ZDHHC14: variants seen among roughly 807,000 people sequenced by gnomAD.
ZDHHC14 encodes palmitoyltransferase ZDHHC14.
In ZDHHC14, 16 loss-of-function variants were observed where a neutral mutation model predicts 47.7. The observed-to-expected ratio is 0.34, with a 90% CI of 0.23 to 0.51. The LOEUF (loss-of-function observed/expected upper bound fraction) is 0.51. ZDHHC14 is among the 20% of genes least tolerant of loss of function. ZDHHC14 has a pLI of 0.97. For synonymous variants in ZDHHC14, 293 were observed against 278.9 expected (o/e 1.05, Z -0.50); for missense variants, 515 against 662.5 (o/e 0.78, Z 2.44).
chr6:157,467,695 G>A (rs564256710), intron 1 of ZDHHC14, among the ~76,000 whole-genome samples: 17 of 152,066 alleles, frequency 1.1e-4, no homozygotes, highest in South Asian at 2.1e-4. Flanking sequence ...AATTACAGGC[G>A]CCTGCCAACA....
intron 1 of ZDHHC14, among the ~76,000 whole-genome samples, chr6:157,481,965 G>A (rs191851766): frequency 1.4e-4 from 22 of 152,334 alleles, no homozygotes; most frequent in African/African-American, 4.8e-4. Context: ...TTCAGAGGGT[G>A]GGGCAGAGAA....
At chr6:157,459,304 T>C (rs1194932398) in intron 1 of ZDHHC14, among the ~76,000 whole-genome samples, 5 of 152,128 alleles carry the variant, frequency 3.3e-5, no homozygotes, top group African/African-American at 7.2e-5. Context: ...AAGTGACCAT[T>C]TGATGATGGC....
intron 2 of ZDHHC14, among the ~76,000 whole-genome samples, chr6:157,565,645 C>T (rs1465634690): frequency 6.6e-6 from 1 of 152,030 alleles, no homozygotes; most frequent in South Asian, 2.1e-4. Flanking sequence ...ATGGAGAAAC[C>T]GTGTCTTTAC....
chr6:157,603,872 C>A (rs1784430606), intron 3 of ZDHHC14, among the ~76,000 whole-genome samples: 1 of 152,148 alleles, frequency 6.6e-6, no homozygotes, highest in Non-Finnish European at 1.5e-5. Context: ...ACTCCATTGT[C>A]CAAGGAAGGC....
At chr6:157,466,667 G>A (rs751986385) in intron 1 of ZDHHC14, among the ~76,000 whole-genome samples, 10 of 151,904 alleles carry the variant, frequency 6.6e-5, no homozygotes, top group Admixed American at 5.9e-4. Context: ...GTGAAACGCC[G>A]TCTCTACTAA....
intron 3 of ZDHHC14, among the ~76,000 whole-genome samples, chr6:157,608,911 T>C (rs890789205): frequency 6.6e-6 from 1 of 152,140 alleles, no homozygotes; most frequent in African/African-American, 2.4e-5. Flanking sequence ...CAGAAAGATG[T>C]GGATGATTCC....
intron 8 of ZDHHC14, among the ~76,000 whole-genome samples, chr6:157,657,710 A>G (rs1562533674): frequency 6.6e-6 from 1 of 152,218 alleles, no homozygotes; most frequent in Admixed American, 6.5e-5. Flanking sequence ...GGATTTGGTA[A>G]TAGCACAGAA....
At chr6:157,509,665 T>C (rs1409965830) in intron 1 of ZDHHC14, among the ~76,000 whole-genome samples, 1 of 152,164 alleles carries the variant, frequency 6.6e-6, no homozygotes, top group Non-Finnish European at 1.5e-5. Flanking sequence ...AATAAAACTG[T>C]GAGAGATAGA....
chr6:157,542,385 G>T (rs1211960007), intron 1 of ZDHHC14, among the ~76,000 whole-genome samples, 200 bp from the exon 2 acceptor site: 2 of 152,114 alleles, frequency 1.3e-5, no homozygotes, highest in African/African-American at 4.8e-5. Context: ...GGGGAGTGGG[G>T]GTTCAATTGT....
intron 1 of ZDHHC14, among the ~76,000 whole-genome samples, chr6:157,443,825 C>A (rs1308866859): frequency 6.6e-6 from 1 of 152,232 alleles, no homozygotes. Context: ...CTTACCTTCT[C>A]TGGAACTCAG....
chr6:157,662,719 G>A (rs1248394500), intron 8 of ZDHHC14, among the ~76,000 whole-genome samples: 1 of 152,228 alleles, frequency 6.6e-6, no homozygotes, highest in Non-Finnish European at 1.5e-5. Context: ...TTATGGCCAT[G>A]GTGGGATGAA....
In ZDHHC14 at chr6:157,647,330, C is replaced by G; in HGVS notation, c.927C>G (p.Thr309=). 1 of 1,614,010 alleles carries G rather than the reference C, an allele frequency of 6.2e-7. No homozygotes were observed. Among genetic ancestry groups the G allele is most frequent in the African/African-American group, 1.3e-5 (1 of 75,012 alleles). ...CCTACAGCTACGGAAATATCTTTACCAACTGCTGTGTTGCCCTGTGTGGGC... is the reference window on the plus strand; with the variant it reads ...CCTACAGCTACGGAAATATCTTTACGAACTGCTGTGTTGCCCTGTGTGGGC... The part of the protein sequence containing the change: ...YNPYSYGNIF[T]NCCVALCGPI... The change falls in exon 7 of 9, where the codon ACC becomes ACG. Residue 309 remains threonine (T), a synonymous_variant. Transcript: ENST00000359775.
At chr6:157,528,333 A>G (rs1465897416) in intron 1 of ZDHHC14, among the ~76,000 whole-genome samples, 1 of 152,220 alleles carries the variant, frequency 6.6e-6, no homozygotes, top group South Asian at 2.1e-4. Context: ...GGCTTAAAAG[A>G]AAAGTAAAGA....
chr6:157,473,721 A>G (rs1779410180), intron 1 of ZDHHC14, among the ~76,000 whole-genome samples: 1 of 152,198 alleles, frequency 6.6e-6, no homozygotes, highest in Admixed American at 6.5e-5. Context: ...ACGTAACCTC[A>G]TGTGACAGGT....
intron 1 of ZDHHC14, among the ~76,000 whole-genome samples, chr6:157,471,996 A>G (rs1305229393): frequency 1.3e-5 from 2 of 152,202 alleles, no homozygotes; most frequent in Non-Finnish European, 2.9e-5. Flanking sequence ...GCGCACCCAC[A>G]TAAAGGCAGG....
At chr6:157,585,819 A>G (rs891559359) in intron 2 of ZDHHC14, among the ~76,000 whole-genome samples, 3 of 152,170 alleles carry the variant, frequency 2.0e-5, no homozygotes, top group South Asian at 2.1e-4. Flanking sequence ...GCTTGTGGAT[A>G]AGTTTTGAAA....
chr6:157,407,324 C>T (rs531653674), intron 1 of ZDHHC14, among the ~76,000 whole-genome samples: 8 of 152,254 alleles, frequency 5.3e-5, no homozygotes, highest in South Asian at 2.1e-4. Flanking sequence ...CCTACATGGC[C>T]GCTGTGTATA....
chr6:157,609,283 G>A (rs34193486), intron 3 of ZDHHC14, among the ~76,000 whole-genome samples: 30,005 of 152,108 alleles, frequency 0.2, 3,071 homozygotes, highest in Middle Eastern at 0.23. Flanking sequence ...GGGAAAGCGA[G>A]AGGTGGGAAA....
intron 1 of ZDHHC14, among the ~76,000 whole-genome samples, chr6:157,435,581 C>G (rs927538316): frequency 2.0e-5 from 3 of 151,942 alleles, no homozygotes; most frequent in African/African-American, 7.3e-5. Context: ...GCTCTTTTGC[C>G]CAGGCTGGAG....
Sources: allele counts gnomAD v4.1 joint callset (sites outside exome capture counted in the v4.1 genomes callset), GRCh38; gene constraint gnomAD v4.1.1; transcripts MANE v1.5; gene names NCBI Gene and HGNC (gene_info 2026-07-23, HGNC 2026-07-21).